FUT6: variants seen among roughly 807,000 people sequenced by gnomAD.
FUT6 encodes the protein fucosyltransferase 6.
For synonymous variants in FUT6, 187 were observed against 209.9 expected (o/e 0.89, Z 0.94); for missense variants, 454 against 494.6 (o/e 0.92, Z 0.78).
At chr19:5,833,953 G>GA (rs2057144163) in intron 2 of FUT6, among the ~76,000 whole-genome samples, 1 of 151,422 alleles carries the variant, frequency 6.6e-6, no homozygotes, top group Admixed American at 6.6e-5. Flanking sequence ...TCAACATGGA[G>GA]AACCCACATG....
intron 2 of FUT6, among the ~76,000 whole-genome samples, chr19:5,833,459 A>G (rs1327448557): frequency 6.6e-6 from 1 of 150,828 alleles, no homozygotes; most frequent in Non-Finnish European, 1.5e-5. Context: ...GCTGCACTCC[A>G]GCCTGGGCAA....
At position 5,830,912 on chromosome 19, in the gene FUT6, G is replaced by A. The variant is rs1294542359; in HGVS notation, c.*576C>T. The A allele has an allele frequency of 7.5e-6, 2 of 267,326 alleles. No homozygotes were observed. Among genetic ancestry groups the A allele is most frequent in the African/African-American group, 2.2e-5 (1 of 45,716 alleles). 16.6% of individuals were successfully genotyped at this position (267,326 alleles called of 1,614,324 possible). On this transcript the variant is annotated 3_prime_UTR_variant, in exon 3 of 3. Transcript: ENST00000318336. ...AGCCACCGCACCCGGCCTCATCATC[G>A]GTTTTCTTTGCAGTATTACATCTGG... is the stretch of plus-strand genomic sequence containing the variant.
intron 2 of FUT6, among the ~76,000 whole-genome samples, chr19:5,833,853 CG>C: frequency 6.6e-6 from 1 of 151,776 alleles, no homozygotes; most frequent in Non-Finnish European, 1.5e-5. Flanking sequence ...CACTCAGGGC[CG>C]GGTGCATTGG....
At chr19:5,837,454 T>A (rs1225581906) in intron 1 of FUT6, among the ~76,000 whole-genome samples, 1 of 150,596 alleles carries the variant, frequency 6.6e-6, no homozygotes, top group East Asian at 1.9e-4. Context: ...AAAAACAGAA[T>A]GTCAGATATC....
chr19:5,831,473 C>T lies in FUT6; in HGVS notation c.*15G>A, dbSNP rs779284908. The T allele has an allele frequency of 2.5e-6, 4 of 1,613,772 alleles. No homozygotes were observed. In the East Asian group the frequency reaches 6.7e-5, roughly 27 times the overall value. ...AAAATGAGGTTCCTGGCAGCCCAGG[C>T]CCCACACCAGCCTCTCAGGTGAACC... On this transcript the variant is annotated 3_prime_UTR_variant, in exon 3 of 3. Transcript: ENST00000318336. The surrounding 1 kb of genome is among the most constrained non-coding windows in gnomAD (Gnocchi z 7.0).
rs2057084371 is a variant in FUT6, at chr19:5,831,128, AG to A, written c.*359del. ...AGATTCAGTGTGGAAGGTCTCTGGG[AG>A]CAGGTCCCAGCAGGTAAAGTCCCCA... On this transcript the variant is annotated 3_prime_UTR_variant, in exon 3 of 3. Transcript: ENST00000318336. This position sits in a 1 kb window ranked among gnomAD's most constrained non-coding sequence, Gnocchi z 7.0. The A allele has an allele frequency of 3.3e-6, 2 of 604,432 alleles. No individual in the cohort carries two copies. Among genetic ancestry groups the A allele is most frequent in the Admixed American group, 2.9e-5 (1 of 34,644 alleles). 37.4% of individuals were successfully genotyped at this position (604,432 alleles called of 1,614,324 possible). A position where few individuals can be genotyped will look rare whatever the true frequency, so the allele number is the denominator to read the frequency against.
In FUT6 at chr19:5,832,724, CA is replaced by C. The variant is rs1312753478; in HGVS notation, c.-12-146del. The C allele has an allele frequency of 1.5e-6, 1 of 679,934 alleles. No homozygotes were observed. Among genetic ancestry groups the C allele is most frequent in the Non-Finnish European group, 2.6e-6 (1 of 388,628 alleles). The allele number at this position is 679,934 out of a possible 1,614,324, so 42.1% of individuals were successfully genotyped here. A position where few individuals can be genotyped will look rare whatever the true frequency, so the allele number is the denominator to read the frequency against. On this transcript the variant is annotated intron_variant, in intron 2 of 2. Coordinates refer to ENST00000318336, the MANE Select transcript of FUT6 (RefSeq NM_000150.4). The surrounding 1 kb of genome is among the most constrained non-coding windows in gnomAD (Gnocchi z 4.3). ...AGACCAAGTGACTCACAGCAAAAGT[CA>C]GCACAGCTGGTGTTTGAACAAAGGG...
At chr19:5,833,478 T>C (rs370437317) in intron 2 of FUT6, among the ~76,000 whole-genome samples, 39 of 130,442 alleles carry the variant, frequency 3.0e-4, no homozygotes, top group African/African-American at 9.8e-4. Context: ...AATGGAATTC[T>C]ATCTTGGAAA....
intron 1 of FUT6, among the ~76,000 whole-genome samples, chr19:5,835,768 C>T (rs532801622): frequency 2.2e-4 from 34 of 152,238 alleles, no homozygotes; most frequent in African/African-American, 7.7e-4. Flanking sequence ...AGTGAAACTC[C>T]GTCTCAACAA....
rs775869670 is a variant in FUT6 at position 5,832,397 on chromosome 19, G to A, written c.171C>T (p.Pro57=). 7.4e-6 allele frequency: 12 copies of A among 1,613,936 alleles called. No individual in the cohort carries two copies. Among genetic ancestry groups the A allele is most frequent in the African/African-American group, 1.3e-5 (1 of 74,908 alleles). The part of the protein sequence containing the change: ...GSRFPDSTGT[P]AHSIPLILLW... ...GCAGGATCAGGGGGATGGAGTGGGC[G>A]GGGGTCCCTGTGCTGTCTGGGAAGC... is the stretch of plus-strand genomic sequence containing the variant. The change falls in exon 3 of 3, where the codon CCC becomes CCT. Residue 57 remains proline (P), a synonymous_variant. Transcript: ENST00000318336. This position sits in a 1 kb window ranked among gnomAD's most constrained non-coding sequence, Gnocchi z 4.3.
In FUT6 at chr19:5,832,087, C is replaced by T. The variant is rs752188949; in HGVS notation, c.481G>A (p.Asp161Asn). Reference sequence around the variant, plus strand: ...CCGTAGGGCGTGAAGATGTCGGAGTCGCTGCGGTAGGACATGGTGAGATTG... The same window carrying T: ...CCGTAGGGCGTGAAGATGTCGGAGTTGCTGCGGTAGGACATGGTGAGATTG... ...YFNLTMSYRS[D>N]SDIFTPYGWL... Residue 161 changes from aspartate to asparagine, a missense_variant, in exon 3 of 3, where the codon GAC (aspartate) becomes AAC (asparagine). Physicochemically the swap from Asp to Asn is conservative, Grantham distance 23. Transcript: ENST00000318336. This position sits in a 1 kb window ranked among gnomAD's most constrained non-coding sequence, Gnocchi z 4.3. The T allele has an allele frequency of 1.8e-5, 29 of 1,613,068 alleles. No individual in the cohort carries two copies. The highest frequency in any genetic ancestry group is 2.3e-5 in the Non-Finnish European group (27 of 1,179,752).
intron 1 of FUT6, chr19:5,837,888 A>C (rs943204842): frequency 6.6e-6 from 1 of 152,258 alleles, no homozygotes; most frequent in Non-Finnish European, 1.5e-5. Flanking sequence ...GCACAAGCGC[A>C]TACCAAAGTT....
intron 2 of FUT6, among the ~76,000 whole-genome samples, chr19:5,833,238 T>C (rs887074372): frequency 1.3e-5 from 2 of 152,228 alleles, no homozygotes; most frequent in African/African-American, 4.8e-5. Flanking sequence ...GGTTCATGCC[T>C]GTAATCCCAG....
At chr19:5,837,696 G>A (rs1426220156) in intron 1 of FUT6, among the ~76,000 whole-genome samples, 1 of 152,110 alleles carries the variant, frequency 6.6e-6, no homozygotes, top group Non-Finnish European at 1.5e-5. Context: ...AACCCGGGAG[G>A]CGGAGCTTGC....
Position 5,831,964 on chromosome 19 carries a change from T to G in FUT6, c.604A>C (p.Asn202His). The stretch of plus-strand genomic sequence containing the variant: ...TGGTAGTAGCGCACCCTGGCGGAGT[T>G]TGGCCCCCAGTTGGACACTGCCCAG... ...VAWAVSNWGP[N>H]SARVRYYQSL... is the part of the protein sequence containing the mutation. The change falls in exon 3 of 3, where the codon AAC becomes CAC. Residue 202 changes from asparagine (N) to histidine (H), a missense_variant. Transcript: ENST00000318336. This position sits in a 1 kb window ranked among gnomAD's most constrained non-coding sequence, Gnocchi z 7.0. 2 of 1,613,660 alleles carry G rather than the reference T, an allele frequency of 1.2e-6. No individual in the cohort carries two copies. Among genetic ancestry groups the G allele is most frequent in the South Asian group, 1.1e-5 (1 of 91,072 alleles).
intron 1 of FUT6, among the ~76,000 whole-genome samples, chr19:5,836,511 C>T (rs955082596): frequency 1.1e-4 from 16 of 152,138 alleles, no homozygotes; most frequent in South Asian, 2.1e-4. Flanking sequence ...CCACGGCGCC[C>T]GGCCCAATGC....
At chr19:5,835,334 G>A (rs193059412) in intron 1 of FUT6, among the ~76,000 whole-genome samples, 168 of 152,244 alleles carry the variant, frequency 1.1e-3, no homozygotes, top group African/African-American at 3.6e-3. Flanking sequence ...GGAAACTAAG[G>A]CTCAGAGAGA....
chr19:5,836,512 G>C (rs1274322568), intron 1 of FUT6, among the ~76,000 whole-genome samples: 1 of 152,090 alleles, frequency 6.6e-6, no homozygotes, highest in Non-Finnish European at 1.5e-5. Flanking sequence ...CACGGCGCCC[G>C]GCCCAATGCT....
chr19:5,830,929 T>C lies in FUT6; in HGVS notation c.*559A>G. 1 of 298,426 alleles carries C rather than the reference T, an allele frequency of 3.4e-6. No homozygotes were observed. Among genetic ancestry groups the C allele is most frequent in the Non-Finnish European group, 6.5e-6 (1 of 153,944 alleles). The allele number at this position is 298,426 out of a possible 1,614,324, so 18.5% of individuals were successfully genotyped here. ...TCATCATCGGTTTTCTTTGCAGTAT[T>C]ACATCTGGAAACGGTGCGGTGATTA... On this transcript the variant is annotated 3_prime_UTR_variant, in exon 3 of 3. Transcript: ENST00000318336.
Sources: gnomAD v4.1 joint callset for allele counts (sites outside exome capture counted in the v4.1 genomes callset) on GRCh38, gnomAD v4.1.1 for gene constraint, Gnocchi (gnomAD v3.1) non-coding constraint, MANE v1.5 for transcripts, NCBI Gene and HGNC (gene_info 2026-07-23, HGNC 2026-07-21) for gene names.